Variants in OCIAD1 observed in about 807,000 individuals in gnomAD.
OCIAD1 encodes the protein OCIA domain containing 1, also known as OCIA domain-containing protein 1.
Under a neutral mutation model 38.9 loss-of-function variants are expected in OCIAD1, and 29 were observed. The observed-to-expected ratio is 0.74, with a 90% CI of 0.55 to 1.02. The LOEUF (loss-of-function observed/expected upper bound fraction) is 1.02, where lower values mean the gene tolerates loss of function less well. Among genes scored for constraint, OCIAD1 ranks in the 50% least tolerant of loss-of-function variants. The pLI is 0.00. For missense variants in OCIAD1, 288 were observed against 289.6 expected (o/e 0.99, Z 0.04); for synonymous variants, 110 against 92.0 (o/e 1.20, Z -1.12).
chr4:48,844,395 C>T (rs984578347), intron 4 of OCIAD1, among the ~76,000 whole-genome samples: 1 of 151,998 alleles, frequency 6.6e-6, no homozygotes, highest in Non-Finnish European at 1.5e-5. Flanking sequence ...TCGGGTGCAT[C>T]ACAAGGTTAG....
chr4:48,851,675 C>A (rs544517835), intron 6 of OCIAD1, 131 bp from the exon 7 acceptor site: 35 of 466,784 alleles, frequency 7.5e-5, no homozygotes, highest in Middle Eastern at 5.7e-4. Flanking sequence ...GACCCTGTCT[C>A]AAAAAAATAA....
chr4:48,830,183 T>C (rs1777365204), upstream of OCIAD1, among the ~76,000 whole-genome samples: 2 of 152,188 alleles, frequency 1.3e-5, no homozygotes, highest in East Asian at 3.8e-4. Context: ...GGGCCTTATA[T>C]TCGGTGCATG....
intron 7 of OCIAD1, among the ~76,000 whole-genome samples, chr4:48,853,649 G>C (rs1311505584): frequency 6.6e-6 from 1 of 152,098 alleles, no homozygotes; most frequent in Non-Finnish European, 1.5e-5. Context: ...AGCCATATGT[G>C]GCTATTTAAA....
At chr4:48,812,277 G>A (rs1240380691) in intron 1 of OCIAD1, among the ~76,000 whole-genome samples, 2 of 47,004 alleles carry the variant, frequency 4.3e-5, no homozygotes, top group African/African-American at 2.1e-4. Context: ...AGTGAGAGTT[G>A]GTCTCAAAAA....
chr4:48,840,279 T>G (rs1778401787), intron 3 of OCIAD1, among the ~76,000 whole-genome samples: 1 of 152,232 alleles, frequency 6.6e-6, no homozygotes, highest in African/African-American at 2.4e-5. Context: ...TCTTATATGA[T>G]TCTTCAGTGC....
Position 48,814,464 on chromosome 4 carries a change from T to G in OCIAD1, c.-103+9134T>G, listed in dbSNP as rs527759304. On this transcript the variant is annotated intron_variant, in intron 1 of 6. Coordinates refer to the OCIAD1 transcript ENST00000504654. ...TAGACAGATTGGTGTTTGAATGCAA[T>G]ACTCAGAATATTGGAGATAGAGCTG... 5.3e-5 allele frequency among the ~76,000 whole-genome samples: 8 copies of G among 151,996 alleles called. No individual in the cohort carries two copies. The East Asian group carries it at 1.4e-3, about 26-fold the overall frequency.
chr4:48,859,316 A>G (rs1244891923), intron 8 of OCIAD1, among the ~76,000 whole-genome samples: 3 of 152,172 alleles, frequency 2.0e-5, no homozygotes, highest in Non-Finnish European at 4.4e-5. Flanking sequence ...TCTAGTGGCC[A>G]TTGCTCTGTA....
At chr4:48,806,657 G>C (rs1450294937) in intron 1 of OCIAD1, among the ~76,000 whole-genome samples, 1 of 152,106 alleles carries the variant, frequency 6.6e-6, no homozygotes, top group African/African-American at 2.4e-5. Context: ...CCAGGCTGGA[G>C]TGTAGTGGAG....
intron 8 of OCIAD1, 24 bp from the exon 9 acceptor site, chr4:48,860,701 C>A (rs760493802): frequency 3.3e-6 from 5 of 1,526,536 alleles, no homozygotes; most frequent in Non-Finnish European, 4.5e-6. Context: ...TTGGAATCAT[C>A]AATTATTTAT....
intron 4 of OCIAD1, among the ~76,000 whole-genome samples, chr4:48,846,678 G>A (rs1779005151): frequency 6.6e-6 from 1 of 151,792 alleles, no homozygotes; most frequent in Non-Finnish European, 1.5e-5. Context: ...AACCCAGGAG[G>A]CGAAGGTTGC....
intron 1 of OCIAD1, among the ~76,000 whole-genome samples, chr4:48,808,898 C>T (rs1169119932): frequency 6.6e-6 from 1 of 152,138 alleles, no homozygotes; most frequent in Non-Finnish European, 1.5e-5. Flanking sequence ...GTTCTACCAC[C>T]CAGTACTGTT....
At chr4:48,845,846 A>G (rs1778932695) in intron 4 of OCIAD1, among the ~76,000 whole-genome samples, 1 of 152,102 alleles carries the variant, frequency 6.6e-6, no homozygotes, top group South Asian at 2.1e-4. Flanking sequence ...TTAACTATCT[A>G]CCTCCATCTG....
chr4:48,825,689 C>T (rs1434534192), intron 1 of OCIAD1, among the ~76,000 whole-genome samples: 1 of 152,228 alleles, frequency 6.6e-6, no homozygotes, highest in Admixed American at 6.5e-5. Flanking sequence ...ACCTATAACA[C>T]ATCCATGGGA....
chr4:48,818,251 C>T (rs1777160875), intron 1 of OCIAD1, among the ~76,000 whole-genome samples: 1 of 152,206 alleles, frequency 6.6e-6, no homozygotes, highest in African/African-American at 2.4e-5. Context: ...TGTTGTTCTG[C>T]AGGCTCTACT....
At chr4:48,812,305 AAAAAAAAAAAAGAAAAG>A (rs1560406544) in intron 1 of OCIAD1, among the ~76,000 whole-genome samples, 8 of 147,964 alleles carry the variant, frequency 5.4e-5, no homozygotes, top group East Asian at 2.0e-4. Context: ...AAAAAAAAAA[AAAAAAAAAAAAGAAAAG>A]AAAAAGAAAA....
chr4:48,836,140 T>G (rs1218203051), intron 3 of OCIAD1, among the ~76,000 whole-genome samples: 1 of 152,210 alleles, frequency 6.6e-6, no homozygotes, highest in Non-Finnish European at 1.5e-5. Context: ...TGAGAAGTTG[T>G]ACTTGGTAAA....
At chr4:48,840,993 G>C (rs1388801046) in intron 3 of OCIAD1, among the ~76,000 whole-genome samples, 1 of 152,184 alleles carries the variant, frequency 6.6e-6, no homozygotes, top group Admixed American at 6.5e-5. Context: ...TCCAGCCTTG[G>C]TGATAGAGTG....
At chr4:48,841,185 C>A (rs1778492241) in intron 3 of OCIAD1, among the ~76,000 whole-genome samples, 1 of 152,168 alleles carries the variant, frequency 6.6e-6, no homozygotes, top group African/African-American at 2.4e-5. Flanking sequence ...TTTAAAACGG[C>A]AATTGAGTAA....
chr4:48,857,319 T>A lies in OCIAD1; in HGVS notation c.654T>A (p.Thr218=). 3.1e-6 allele frequency: 5 copies of A among 1,598,198 alleles called. No homozygotes were observed. Among genetic ancestry groups the A allele is most frequent in the Non-Finnish European group, 4.3e-6 (5 of 1,172,272 alleles). Residue 218 remains threonine (T), a synonymous_variant, in exon 8 of 9, where the codon ACT becomes ACA. Coordinates refer to ENST00000264312, the MANE Select transcript of OCIAD1 (RefSeq NM_017830.4). ...ESYEVSLTQK[T]DPSVRPMHER... ...ATGAAGTATCTTTAACACAAAAGACTGACCCCTCAGTCAGGCCTATGCATG... is the reference window on the plus strand; with the variant it reads ...ATGAAGTATCTTTAACACAAAAGACAGACCCCTCAGTCAGGCCTATGCATG...
Sources: gnomAD v4.1 joint callset for allele counts (sites outside exome capture counted in the v4.1 genomes callset) on GRCh38, gnomAD v4.1.1 for gene constraint, MANE v1.5 for transcripts, NCBI Gene and HGNC (gene_info 2026-07-23, HGNC 2026-07-21) for gene names.